Variants in SAMSN1 observed in about 807,000 individuals in gnomAD.
SAMSN1 encodes the protein SAM domain, SH3 domain and nuclear localization signals 1, also known as SAM domain-containing protein SAMSN-1.
A neutral mutation model predicts 42.0 loss-of-function variants in SAMSN1; 31 were observed. The observed-to-expected ratio is 0.74, with a 90% CI of 0.55 to 1.00. The LOEUF (loss-of-function observed/expected upper bound fraction) is 1.00. Among genes scored for constraint, SAMSN1 ranks in the 50% least tolerant of loss-of-function variants. SAMSN1 has a pLI of 0.00. For missense variants in SAMSN1, 464 were observed against 439.4 expected, an observed-to-expected ratio of 1.06 and a Z score of -0.50; for synonymous variants, 178 against 151.9, an observed-to-expected ratio of 1.17 and a Z score of -1.26.
At chr21:14,502,628 T>G (rs1043889879) in intron 5 of SAMSN1, among the ~76,000 whole-genome samples, 1 of 152,176 alleles carries the variant, frequency 6.6e-6, no homozygotes, top group Admixed American at 6.5e-5. Flanking sequence ...GTACGGAAGT[T>G]GAAAGACTAT....
intron 7 of SAMSN1, chr21:14,593,926 T>C (rs1600951372): frequency 5.8e-6 from 4 of 692,894 alleles, no homozygotes; most frequent in Non-Finnish European, 1.1e-5. Context: ...TAAAGAACTA[T>C]AGAAAACAGT....
At chr21:14,551,057 C>T (rs1392113815), upstream of SAMSN1, among the ~76,000 whole-genome samples, 1 of 152,014 alleles carries the variant, frequency 6.6e-6, no homozygotes, top group Non-Finnish European at 1.5e-5. Context: ...TTTCTCATTA[C>T]AAATTTAAAT....
At chr21:14,590,379 G>A (rs1014135383) in intron 7 of SAMSN1, among the ~76,000 whole-genome samples, 5 of 152,032 alleles carry the variant, frequency 3.3e-5, no homozygotes, top group Non-Finnish European at 7.4e-5. Context: ...CTGAGCTCAG[G>A]AGGTCCTCCC....
At chr21:14,581,743 A>G (rs1365798861) in intron 2 of SAMSN1, among the ~76,000 whole-genome samples, 2 of 152,140 alleles carry the variant, frequency 1.3e-5, no homozygotes, top group Non-Finnish European at 2.9e-5. Flanking sequence ...GAGATAATAC[A>G]TATAAAATGC....
chr21:14,592,271 C>G (rs1982108560), intron 7 of SAMSN1: 1 of 152,178 alleles, frequency 6.6e-6, no homozygotes, highest in Admixed American at 6.6e-5. Context: ...AATTTAAGAG[C>G]CAGTATGCAA....
chr21:14,581,344 C>CTCTTTTTTTT (rs1981714975), intron 2 of SAMSN1, among the ~76,000 whole-genome samples: 2 of 32,588 alleles, frequency 6.1e-5, no homozygotes, highest in Non-Finnish European at 1.1e-4. Flanking sequence ...AATAATATTT[C>CTCTTTTTTTT]TTTTTTTTTT....
chr21:14,582,353 G>A (rs1188708304), exon 2 of SAMSN1: 3 of 1,549,736 alleles, frequency 1.9e-6, no homozygotes, highest in Non-Finnish European at 1.7e-6. Flanking sequence ...TAAAGTGCTG[G>A]ATCTACCCAG....
At position 14,517,144 on chromosome 21, in the gene SAMSN1, G is replaced by A. The variant is rs1987955741; in HGVS notation, c.130-103C>T. 4.6e-6 allele frequency: 5 copies of A among 1,082,092 alleles called. No homozygotes were observed. In the South Asian group the frequency reaches 8.3e-5, roughly 18 times the overall value. 67.0% of individuals were successfully genotyped at this position (1,082,092 alleles called of 1,614,324 possible). On this transcript the variant is annotated intron_variant, in intron 2 of 7. Transcript: ENST00000400566. The stretch of plus-strand genomic sequence containing the variant: ...CATTCTGAGTTTGTGGATTTTGCAT[G>A]CATTCTGTGCAGCAGCCTCCAAAAT...
chr21:14,520,865 T>C (rs6516849), intron 2 of SAMSN1, among the ~76,000 whole-genome samples: 132,763 of 151,828 alleles, frequency 0.87, 58,195 homozygotes, highest in East Asian at 1. Context: ...TCTTGCTTTG[T>C]TGAGAGTTCC....
intron 2 of SAMSN1, among the ~76,000 whole-genome samples, chr21:14,631,208 A>G (rs1040162637): frequency 3.9e-5 from 6 of 152,200 alleles, no homozygotes; most frequent in African/African-American, 1.4e-4. Flanking sequence ...TAAACTACGA[A>G]CCACAGTTAT....
chr21:14,594,177 G>T (rs759311822), intron 6 of SAMSN1: 2 of 603,136 alleles, frequency 3.3e-6, no homozygotes, highest in African/African-American at 1.9e-5. Flanking sequence ...ATTGGGAAAG[G>T]ATTCGCTGTC....
Position 14,616,954 on chromosome 21 carries a change from G to T in SAMSN1, c.157-938C>A, listed in dbSNP as rs532687938. 4.7e-4 allele frequency among the ~76,000 whole-genome samples: 72 copies of T among 152,254 alleles called. 1 individual carries two copies. The highest frequency in any genetic ancestry group is 1.6e-3 in the African/African-American group (68 of 41,558). ...TTTCCCCAAGATAGTGATCGAAGGG[G>T]CCATTTATCTAATCTTTATTTTGTT... On this transcript the variant is annotated intron_variant, in intron 2 of 15. Coordinates refer to the SAMSN1 transcript ENST00000647101.
At chr21:14,525,889 G>A (rs997303334) in intron 1 of SAMSN1, among the ~76,000 whole-genome samples, 11 of 152,126 alleles carry the variant, frequency 7.2e-5, no homozygotes, top group South Asian at 4.2e-4. Context: ...TTTTGAGACC[G>A]AGTCTCCCTC....
intron 1 of SAMSN1, among the ~76,000 whole-genome samples, chr21:14,643,578 A>G (rs1246520889): frequency 6.6e-6 from 1 of 152,220 alleles, no homozygotes; most frequent in Non-Finnish European, 1.5e-5. Context: ...CTCAACTGTA[A>G]AGTAGCAGTT....
At chr21:14,572,409 G>A (rs933906319) in intron 2 of SAMSN1, among the ~76,000 whole-genome samples, 7 of 152,120 alleles carry the variant, frequency 4.6e-5, no homozygotes, top group Non-Finnish European at 8.8e-5. Context: ...TTTGACTCAC[G>A]GAGTTTCCAC....
intron 2 of SAMSN1, among the ~76,000 whole-genome samples, chr21:14,561,958 G>A (rs1437248846): frequency 6.6e-6 from 1 of 151,942 alleles, no homozygotes; most frequent in Non-Finnish European, 1.5e-5. Context: ...TTTGAAAAGA[G>A]CATGGCCCTG....
At chr21:14,533,534 G>T (rs1979399812) in intron 1 of SAMSN1, among the ~76,000 whole-genome samples, 1 of 152,158 alleles carries the variant, frequency 6.6e-6, no homozygotes, top group African/African-American at 2.4e-5. Flanking sequence ...CAATACATTG[G>T]TCAAGTATCA....
chr21:14,631,218 T>C (rs1352929355), intron 2 of SAMSN1, among the ~76,000 whole-genome samples: 1 of 152,236 alleles, frequency 6.6e-6, no homozygotes, highest in Non-Finnish European at 1.5e-5. Flanking sequence ...ACCACAGTTA[T>C]GTACTTAGAG....
At chr21:14,573,982 T>A (rs1396012625) in intron 2 of SAMSN1, among the ~76,000 whole-genome samples, 2 of 152,174 alleles carry the variant, frequency 1.3e-5, no homozygotes, top group Non-Finnish European at 2.9e-5. Context: ...TTCTTTGCAA[T>A]AAAAGAAAAT....
Sources: gnomAD v4.1 joint callset for allele counts (sites outside exome capture counted in the v4.1 genomes callset) on GRCh38, gnomAD v4.1.1 for gene constraint, MANE v1.5 for transcripts, NCBI Gene and HGNC (gene_info 2026-07-23, HGNC 2026-07-21) for gene names.